DLG2: variants seen among roughly 807,000 people sequenced by gnomAD.
The protein encoded by DLG2 is discs large MAGUK scaffold protein 2, also known as disks large homolog 2.
Under a neutral mutation model 132.5 loss-of-function variants are expected in DLG2, and 45 were observed. The ratio of observed to expected loss-of-function variants is 0.34; its 90% CI spans 0.27 to 0.44. The LOEUF (loss-of-function observed/expected upper bound fraction) is 0.44, where lower values mean the gene tolerates loss of function less well. Among genes scored for constraint, DLG2 ranks in the 20% least tolerant of loss-of-function variants. The pLI is 1.00. For synonymous variants in DLG2, 424 were observed against 419.6 expected, an observed-to-expected ratio of 1.01 and a Z score of -0.13; for missense variants, 1,045 against 1,196.9, an observed-to-expected ratio of 0.87 and a Z score of 1.87.
intron 4 of DLG2, among the ~76,000 whole-genome samples, chr11:85,159,266 T>G (rs2088017): frequency 0.093 from 14,133 of 152,136 alleles, 880 homozygotes; most frequent in African/African-American, 0.17. Flanking sequence ...ACTTACAGTG[T>G]ATCCGGACTC....
intron 19 of DLG2, among the ~76,000 whole-genome samples, chr11:83,630,145 T>C (rs1193878236): frequency 6.6e-6 from 1 of 152,204 alleles, no homozygotes; most frequent in Admixed American, 6.5e-5. Context: ...GGTTGGCTCA[T>C]ATTTAAAATA....
chr11:85,242,671 A>G (rs971237442), intron 4 of DLG2, among the ~76,000 whole-genome samples: 11 of 151,588 alleles, frequency 7.3e-5, no homozygotes, highest in Non-Finnish European at 1.5e-4. Context: ...TATTTAAAAT[A>G]TTATATTTAT....
intron 15 of DLG2, among the ~76,000 whole-genome samples, chr11:83,889,513 T>C (rs1376683674): frequency 6.6e-6 from 1 of 152,198 alleles, no homozygotes; most frequent in Non-Finnish European, 1.5e-5. Context: ...TTGGTGGGAC[T>C]GTAAACTAGT....
chr11:84,047,256 T>G (rs1000096442), intron 11 of DLG2, among the ~76,000 whole-genome samples: 1 of 151,684 alleles, frequency 6.6e-6, no homozygotes, highest in Non-Finnish European at 1.5e-5. Flanking sequence ...AATAAAATAT[T>G]TATTGAGTGA....
intron 6 of DLG2, among the ~76,000 whole-genome samples, chr11:85,092,643 C>CAT (rs1266672235): frequency 2.3e-5 from 3 of 132,252 alleles, no homozygotes; most frequent in African/African-American, 8.3e-5. Flanking sequence ...GTACACGTGA[C>CAT]TTTTTTTTTT....
chr11:83,999,243 CCA>C (rs1475318176), intron 11 of DLG2, among the ~76,000 whole-genome samples: 1 of 152,130 alleles, frequency 6.6e-6, no homozygotes, highest in Non-Finnish European at 1.5e-5. Context: ...AGGGCCCAGC[CCA>C]GTCTATCACC....
intron 6 of DLG2, among the ~76,000 whole-genome samples, chr11:85,069,309 G>A (rs890166240): frequency 4.0e-5 from 6 of 151,832 alleles, no homozygotes; most frequent in Non-Finnish European, 8.8e-5. Flanking sequence ...AATGGGATCT[G>A]ATTAAACTAA....
intron 3 of DLG2, among the ~76,000 whole-genome samples, chr11:85,410,480 T>C (rs1011799312): frequency 4.0e-5 from 6 of 151,790 alleles, no homozygotes; most frequent in Non-Finnish European, 8.8e-5. Flanking sequence ...CATAATATAA[T>C]TATTTTCTTA....
chr11:84,716,386 A>G (rs952276924), intron 6 of DLG2, among the ~76,000 whole-genome samples: 1 of 152,076 alleles, frequency 6.6e-6, no homozygotes, highest in Non-Finnish European at 1.5e-5. Context: ...TTATGTTTGT[A>G]TGTATTTTTA....
chr11:83,569,326 G>A (rs2096759973), intron 19 of DLG2, among the ~76,000 whole-genome samples: 2 of 152,096 alleles, frequency 1.3e-5, no homozygotes, highest in Non-Finnish European at 1.5e-5. Flanking sequence ...GTAAGCTCAT[G>A]TCAGGAGGCA....
chr11:85,553,324 G>A (rs1433273166), intron 3 of DLG2, among the ~76,000 whole-genome samples: 5 of 151,544 alleles, frequency 3.3e-5, no homozygotes, highest in African/African-American at 9.7e-5. Context: ...GTGTTGTGAT[G>A]CATTAATGAA....
At chr11:85,313,791 G>A (rs1371225819) in intron 3 of DLG2, among the ~76,000 whole-genome samples, 1 of 151,546 alleles carries the variant, frequency 6.6e-6, no homozygotes, top group Non-Finnish European at 1.5e-5. Context: ...TTATTCAGCA[G>A]TTAAAAACTC....
rs369586026 is a variant in DLG2, at chr11:84,913,142, C to T, written c.357+198519G>A. 1.4e-4 allele frequency among the ~76,000 whole-genome samples: 21 copies of T among 152,262 alleles called. No homozygotes were observed. The East Asian group carries it at 3.1e-3, about 22-fold the overall frequency. ...AGAGTAAAAATGATTTCAATGTTTTCAATCTAAGTGCCTGGGAGAATAGTG... is the reference window on the plus strand; with the variant it reads ...AGAGTAAAAATGATTTCAATGTTTTTAATCTAAGTGCCTGGGAGAATAGTG... On this transcript the variant is annotated intron_variant, in intron 6 of 27. Coordinates refer to ENST00000376104, the MANE Select transcript of DLG2 (RefSeq NM_001142699.3).
At chr11:84,595,431 G>A (rs867143163) in intron 6 of DLG2, among the ~76,000 whole-genome samples, 29 of 150,820 alleles carry the variant, frequency 1.9e-4, no homozygotes, top group African/African-American at 6.1e-4. Context: ...GTACCTTAAT[G>A]AAAGACTTAG....
intron 6 of DLG2, among the ~76,000 whole-genome samples, chr11:84,615,832 A>AAAAAAAAAAC (rs2099603269): frequency 6.8e-6 from 1 of 146,998 alleles, no homozygotes; most frequent in Non-Finnish European, 1.5e-5. Context: ...AAAAAAAAAA[A>AAAAAAAAAAC]AAAAAAAACT....
intron 7 of DLG2, among the ~76,000 whole-genome samples, chr11:84,527,033 C>T (rs919466531): frequency 2.0e-4 from 31 of 152,142 alleles, no homozygotes; most frequent in Non-Finnish European, 4.1e-4. Flanking sequence ...CCGCCTCGGC[C>T]TCCCAAAGTG....
intron 6 of DLG2, among the ~76,000 whole-genome samples, chr11:84,666,037 T>C (rs890546926): frequency 6.6e-6 from 1 of 152,160 alleles, no homozygotes; most frequent in Non-Finnish European, 1.5e-5. Context: ...CCCTCCCCTA[T>C]AGGCATCACT....
intron 6 of DLG2, among the ~76,000 whole-genome samples, chr11:84,928,376 T>C (rs578113269): frequency 6.2e-4 from 95 of 152,060 alleles, no homozygotes; most frequent in Non-Finnish European, 1.2e-3. Flanking sequence ...AGAGTATTCC[T>C]CTGTAAAATA....
At chr11:84,614,979 A>T (rs540726968) in intron 6 of DLG2, among the ~76,000 whole-genome samples, 4 of 152,246 alleles carry the variant, frequency 2.6e-5, no homozygotes, top group African/African-American at 9.6e-5. Flanking sequence ...AAAGAAATAA[A>T]CATAACTGAT....
Sources: allele counts gnomAD v4.1 joint callset (sites outside exome capture counted in the v4.1 genomes callset), GRCh38; gene constraint gnomAD v4.1.1; transcripts MANE v1.5; gene names NCBI Gene and HGNC (gene_info 2026-07-23, HGNC 2026-07-21).